Variants in CMIP observed in about 807,000 individuals in gnomAD.
CMIP encodes the protein c-Maf inducing protein, also known as C-Maf-inducing protein.
Under a neutral mutation model 97.3 loss-of-function variants are expected in CMIP, and 13 were observed. That is an observed-to-expected ratio of 0.13 (90% CI 0.09 to 0.21). The LOEUF is 0.21. Among genes scored for constraint, CMIP ranks in the 10% least tolerant of loss-of-function variants. The pLI is 1.00. For synonymous variants in CMIP, 538 were observed against 436.3 expected, an observed-to-expected ratio of 1.23 and a Z score of -2.91; for missense variants, 847 against 1,024.9, an observed-to-expected ratio of 0.83 and a Z score of 2.37.
rs1904493262 is a variant in CMIP, at chr16:81,678,416, C to G, written c.1176C>G (p.Leu392=). 1 of 1,599,332 alleles carries G rather than the reference C, an allele frequency of 6.3e-7. No individual in the cohort carries two copies. Among genetic ancestry groups the G allele is most frequent in the Admixed American group, 1.7e-5 (1 of 57,846 alleles). The change falls in exon 10 of 21, where the codon CTC becomes CTG. Residue 392 remains leucine (L), a synonymous_variant. Transcript: ENST00000537098. ...AAGCCACGCTGTCTGAGGCCCGGCT[C>G]AAGTCGGTGGTCGTGGCCTCCAGTG... ...SQEATLSEAR[L]KSVVVASSEI... is the part of the protein sequence containing the mutation.
intron 1 of CMIP, chr16:81,533,945 G>C (rs1490536559): frequency 1.3e-5 from 2 of 152,228 alleles, no homozygotes; most frequent in Admixed American, 6.5e-5. Context: ...GGGCAGCTGA[G>C]GTGACCGCAG....
intron 1 of CMIP, among the ~76,000 whole-genome samples, chr16:81,543,109 C>T (rs2090479308): frequency 6.6e-6 from 1 of 152,230 alleles, no homozygotes; most frequent in Non-Finnish European, 1.5e-5. Flanking sequence ...GCTGGTGGCA[C>T]TGTGTGTCAC....
At chr16:81,552,204 G>T (rs1386063796) in intron 1 of CMIP, among the ~76,000 whole-genome samples, 1 of 152,214 alleles carries the variant, frequency 6.6e-6, no homozygotes, top group Admixed American at 6.5e-5. Context: ...AAGGAAGCCA[G>T]AACTCTGTGC....
At chr16:81,626,379 CTATTT>C (rs1367260994) in intron 3 of CMIP, among the ~76,000 whole-genome samples, 2 of 148,082 alleles carry the variant, frequency 1.4e-5, no homozygotes, top group East Asian at 2.0e-4. Context: ...TGTGTGGTGA[CTATTT>C]TATGAGTGTG....
intron 9 of CMIP, among the ~76,000 whole-genome samples, chr16:81,673,442 G>GGCA (rs1186777948): frequency 6.6e-6 from 1 of 152,128 alleles, no homozygotes; most frequent in African/African-American, 2.4e-5. Context: ...CTTGAACCTG[G>GGCA]GAGGCAGAGG....
At chr16:81,680,813 T>A (rs1904800067) in intron 10 of CMIP, among the ~76,000 whole-genome samples, 1 of 152,230 alleles carries the variant, frequency 6.6e-6, no homozygotes, top group African/African-American at 2.4e-5. Context: ...GGCCCCGCTG[T>A]CCACTCCAAC....
chr16:81,560,162 G>T (rs959220020), intron 1 of CMIP, among the ~76,000 whole-genome samples: 1 of 130,036 alleles, frequency 7.7e-6, no homozygotes, highest in African/African-American at 2.8e-5. Context: ...AAAAAAAAAA[G>T]AAAAAGAAAA....
chr16:81,546,280 C>T (rs1330871440), intron 1 of CMIP, among the ~76,000 whole-genome samples: 1 of 152,132 alleles, frequency 6.6e-6, no homozygotes, highest in Non-Finnish European at 1.5e-5. Flanking sequence ...CCTGGGAGAG[C>T]AGGAAGAAGG....
At chr16:81,507,602 A>C (rs928421568) in intron 1 of CMIP, among the ~76,000 whole-genome samples, 1 of 152,224 alleles carries the variant, frequency 6.6e-6, no homozygotes, top group African/African-American at 2.4e-5. Context: ...GGGAACATCC[A>C]CTTTAGACAA....
chr16:81,684,820 TTTCTC>T lies in CMIP; in HGVS notation c.1388+6193_1388+6197del, dbSNP rs759713046. On this transcript the variant is annotated intron_variant, in intron 10 of 20. Coordinates refer to ENST00000537098, the MANE Select transcript of CMIP (RefSeq NM_198390.3). ...CAAGCTGGGAAGGGCCCAGCCTTCT[TTTCTC>T]CTTCCTAGGTGGGCAGTCAGGTCGC... Among the ~76,000 whole-genome samples the T allele has an allele frequency of 2.8e-3, 428 of 152,240 alleles. 1 individual carries two copies. The highest frequency in any genetic ancestry group is 4.6e-3 in the Non-Finnish European group (313 of 67,978).
At chr16:81,702,048 C>G (rs1907477445) in intron 16 of CMIP, among the ~76,000 whole-genome samples, 1 of 152,224 alleles carries the variant, frequency 6.6e-6, no homozygotes, top group Non-Finnish European at 1.5e-5. Context: ...CCTCCATGTC[C>G]CTTAGACCCT....
At chr16:81,499,261 C>T (rs2089550988) in intron 1 of CMIP, among the ~76,000 whole-genome samples, 1 of 152,214 alleles carries the variant, frequency 6.6e-6, no homozygotes, top group Admixed American at 6.5e-5. Flanking sequence ...AGCACTCAAT[C>T]TCAAGGTCAT....
At chr16:81,447,460 T>C (rs929414246) in intron 1 of CMIP, among the ~76,000 whole-genome samples, 1 of 151,742 alleles carries the variant, frequency 6.6e-6, no homozygotes, top group Admixed American at 6.6e-5. Context: ...GCTCAGGAGG[T>C]ATATCTGAGA....
chr16:81,470,246 G>A (rs145715242), intron 1 of CMIP, among the ~76,000 whole-genome samples: 10 of 152,376 alleles, frequency 6.6e-5, no homozygotes, highest in South Asian at 4.1e-4. Context: ...CAAAGGCGCC[G>A]CAGGGATGCT....
intron 1 of CMIP, among the ~76,000 whole-genome samples, chr16:81,559,955 C>T (rs2090843990): frequency 6.6e-6 from 1 of 151,712 alleles, no homozygotes; most frequent in Non-Finnish European, 1.5e-5. Context: ...CGAGACCAGC[C>T]CGGCCAACGT....
intron 3 of CMIP, among the ~76,000 whole-genome samples, chr16:81,636,233 AC>A (rs2092233563): frequency 6.6e-6 from 1 of 152,122 alleles, no homozygotes; most frequent in African/African-American, 2.4e-5. Flanking sequence ...CATCTACTAG[AC>A]CACTGAAAAG....
chr16:81,693,315 C>A (rs1273262655), intron 12 of CMIP, 124 bp from the exon 13 acceptor site: 1 of 1,414,832 alleles, frequency 7.1e-7, no homozygotes, highest in Admixed American at 1.9e-5. Flanking sequence ...AGACACGTGT[C>A]CCTGATCCAC....
intron 1 of CMIP, chr16:81,520,649 T>A (rs1022398445): frequency 2.0e-5 from 3 of 150,954 alleles, no homozygotes; most frequent in African/African-American, 7.3e-5. Context: ...GAGCTGTGAT[T>A]AATAAGTAGG....
intron 1 of CMIP, among the ~76,000 whole-genome samples, chr16:81,482,933 C>T (rs538037533): frequency 2.0e-5 from 3 of 152,244 alleles, no homozygotes; most frequent in South Asian, 4.1e-4. Context: ...CAGCAGATGG[C>T]GGTGGCGCGT....
Sources: allele counts gnomAD v4.1 joint callset (sites outside exome capture counted in the v4.1 genomes callset), GRCh38; gene constraint gnomAD v4.1.1; transcripts MANE v1.5; gene names NCBI Gene and HGNC (gene_info 2026-07-23, HGNC 2026-07-21).